Variants in STXBP3 observed in about 807,000 individuals in gnomAD.
STXBP3 encodes the protein syntaxin-binding protein 3.
A neutral mutation model predicts 85.7 loss-of-function variants in STXBP3; 41 were observed. The observed-to-expected ratio is 0.48, with a 90% CI of 0.37 to 0.62. STXBP3 has a LOEUF of 0.62. Among genes scored for constraint, STXBP3 ranks in the 20% least tolerant of loss-of-function variants. The pLI, the probability that STXBP3 is intolerant of heterozygous loss-of-function variation, is 0.00. For synonymous variants in STXBP3, 229 were observed against 231.7 expected (o/e 0.99, Z 0.10); for missense variants, 563 against 703.1 (o/e 0.80, Z 2.25).
At chr1:108,793,893 C>G (rs978798161) in intron 12 of STXBP3, among the ~76,000 whole-genome samples, 2 of 151,778 alleles carry the variant, frequency 1.3e-5, no homozygotes, top group African/African-American at 4.8e-5. Flanking sequence ...AATAGCCTAA[C>G]AGAGTCACAT....
At chr1:108,799,948 G>A (rs1333888232) in intron 16 of STXBP3, among the ~76,000 whole-genome samples, 1 of 152,104 alleles carries the variant, frequency 6.6e-6, no homozygotes, top group East Asian at 1.9e-4. Context: ...TAGAACTAAA[G>A]GCTCTGATAA....
At position 108,805,649 on chromosome 1, in the gene STXBP3, T is replaced by C. The variant is rs557182404; in HGVS notation, c.1536-1752T>C. 4.3e-4 allele frequency among the ~76,000 whole-genome samples: 65 copies of C among 152,336 alleles called. 1 individual carries two copies. The Middle Eastern group carries it at 0.014, about 32-fold the overall frequency. On this transcript the variant is annotated intron_variant, in intron 17 of 18. Coordinates refer to ENST00000370008, the MANE Select transcript of STXBP3 (RefSeq NM_007269.4). ...CATGTTGGCCAGAATGGTCTCGATC[T>C]CTTGACTTCATGATCCGCCCACCTC...
At chr1:108,793,195 G>C (rs1489649852) in intron 11 of STXBP3, among the ~76,000 whole-genome samples, 1 of 71,912 alleles carries the variant, frequency 1.4e-5, no homozygotes, top group Admixed American at 2.1e-4. Flanking sequence ...CACCCAGGGA[G>C]ATAATTGCTC....
chr1:108,772,323 GATATCTGTATCATATATAA>G (rs1204157020), intron 6 of STXBP3, among the ~76,000 whole-genome samples: 1 of 57,674 alleles, frequency 1.7e-5, no homozygotes, highest in Non-Finnish European at 3.8e-5. Context: ...AAATACATAT[GATATCTGTATCATATATAA>G]ATACATATGA....
intron 6 of STXBP3, among the ~76,000 whole-genome samples, chr1:108,760,961 T>C (rs1662126118): frequency 6.6e-6 from 1 of 152,144 alleles, no homozygotes; most frequent in African/African-American, 2.4e-5. Context: ...TGGAGTGCAA[T>C]GGCGCAATCT....
intron 13 of STXBP3, 60 bp from the exon 14 acceptor site, chr1:108,796,173 GT>G: frequency 6.4e-7 from 1 of 1,569,492 alleles, no homozygotes; most frequent in South Asian, 1.2e-5. Flanking sequence ...AATAATAGAT[GT>G]TTTTAACTAA....
chr1:108,795,628 A>G (rs1369379984), intron 13 of STXBP3, among the ~76,000 whole-genome samples: 1 of 152,190 alleles, frequency 6.6e-6, no homozygotes, highest in African/African-American at 2.4e-5. Flanking sequence ...TTTTGTACCT[A>G]CAGCACATCT....
chr1:108,782,326 T>A, intron 9 of STXBP3, 96 bp from the exon 10 acceptor site: 1 of 941,790 alleles, frequency 1.1e-6, no homozygotes, highest in Non-Finnish European at 1.6e-6. Context: ...TTTCAGTTTC[T>A]TGAGTTGTGT....
chr1:108,799,763 A>G (rs1663194696), intron 16 of STXBP3, among the ~76,000 whole-genome samples: 1 of 152,214 alleles, frequency 6.6e-6, no homozygotes, highest in South Asian at 2.1e-4. Context: ...TACATATATC[A>G]TAAAATCTAA....
At chr1:108,763,047 A>G (rs911656373) in intron 6 of STXBP3, among the ~76,000 whole-genome samples, 6 of 152,256 alleles carry the variant, frequency 3.9e-5, no homozygotes, top group Admixed American at 3.9e-4. Flanking sequence ...ATCAAGAGTA[A>G]GAAGTAAACA....
intron 11 of STXBP3, among the ~76,000 whole-genome samples, chr1:108,786,952 A>G (rs546537759): frequency 1.3e-5 from 2 of 152,320 alleles, no homozygotes; most frequent in African/African-American, 4.8e-5. Flanking sequence ...GCCGCATTTT[A>G]TAATTTTCAT....
At chr1:108,754,346 C>G (rs1035603639) in intron 3 of STXBP3, among the ~76,000 whole-genome samples, 1 of 152,030 alleles carries the variant, frequency 6.6e-6, no homozygotes, top group African/African-American at 2.4e-5. Flanking sequence ...ATAAAGTAAC[C>G]TTTATTGTTT....
In STXBP3 at chr1:108,760,007, C is replaced by G. The variant is rs1482181551; in HGVS notation, c.360C>G (p.Asn120Lys). 6.4e-7 allele frequency: 1 copy of G among 1,570,144 alleles called. No individual in the cohort carries two copies. Among genetic ancestry groups the G allele is most frequent in the East Asian group, 2.4e-5 (1 of 42,148 alleles). Reference protein sequence around the residue: ...FTDFCPDNLFNKIKASCSKSI... With the variant: ...FTDFCPDNLFKKIKASCSKSI... Reference sequence around the variant, plus strand: ...CAGTTTGCCCTGATAATCTCTTTAACAAAATTAAGGCTTCTTGCTCCAAGT... The same window carrying G: ...CAGTTTGCCCTGATAATCTCTTTAAGAAAATTAAGGCTTCTTGCTCCAAGT... Residue 120 changes from asparagine to lysine, a missense_variant, in exon 6 of 19, where the codon AAC (asparagine) becomes AAG (lysine). Physicochemically the swap from Asn to Lys is moderately conservative, Grantham distance 94. Transcript: ENST00000370008.
At chr1:108,802,139 G>A (rs774774670) in intron 17 of STXBP3, among the ~76,000 whole-genome samples, 2 of 152,136 alleles carry the variant, frequency 1.3e-5, no homozygotes, top group Admixed American at 6.5e-5. Flanking sequence ...GCTCATGCCT[G>A]TAATCCCAGC....
At chr1:108,792,236 G>C (rs1662988375) in intron 11 of STXBP3, among the ~76,000 whole-genome samples, 1 of 152,066 alleles carries the variant, frequency 6.6e-6, no homozygotes, top group Admixed American at 6.6e-5. Context: ...TCCATCTTTT[G>C]ATCCATGTAG....
intron 11 of STXBP3, among the ~76,000 whole-genome samples, chr1:108,790,876 T>C (rs1024103238): frequency 1.3e-5 from 2 of 152,126 alleles, no homozygotes; most frequent in African/African-American, 4.8e-5. Context: ...TTTACTTCAA[T>C]GTATGTTATA....
intron 9 of STXBP3, chr1:108,780,402 A>G (rs1662690372): frequency 6.6e-6 from 1 of 152,098 alleles, no homozygotes; most frequent in Non-Finnish European, 1.5e-5. Context: ...GTAGGTCTCT[A>G]AACTTTTAAG....
intron 8 of STXBP3, 63 bp from the exon 9 acceptor site, chr1:108,779,223 T>C (rs1373912771): frequency 1.3e-5 from 20 of 1,542,392 alleles, no homozygotes; most frequent in Non-Finnish European, 1.8e-5. Context: ...TTCTAAGATA[T>C]TAAAACTATG....
chr1:108,762,190 G>A (rs988957214), intron 6 of STXBP3, among the ~76,000 whole-genome samples: 41 of 152,150 alleles, frequency 2.7e-4, no homozygotes, highest in African/African-American at 9.9e-4. Context: ...AGATGAGCAA[G>A]ATATATGTCC....
Sources: gnomAD v4.1 joint callset for allele counts (sites outside exome capture counted in the v4.1 genomes callset) on GRCh38, gnomAD v4.1.1 for gene constraint, MANE v1.5 for transcripts, NCBI Gene and HGNC (gene_info 2026-07-23, HGNC 2026-07-21) for gene names.